Variants in TMEM135 observed in about 807,000 individuals in gnomAD.
The protein encoded by TMEM135 is peroxisomal membrane protein 52.
In TMEM135, 30 loss-of-function variants were observed where a neutral mutation model predicts 60.3. That is an observed-to-expected ratio of 0.50 (90% confidence interval 0.37 to 0.68). The LOEUF (loss-of-function observed/expected upper bound fraction) is 0.68, where lower values mean the gene tolerates loss of function less well. Ranked by LOEUF, TMEM135 falls within the 30% of genes least tolerant of loss-of-function variation. The probability of loss-of-function intolerance (pLI) is 0.00; values close to 1 mark genes in which losing one functional copy is unlikely to be tolerated. For missense variants in TMEM135, 468 were observed against 548.8 expected (o/e 0.85, Z 1.47); for synonymous variants, 190 against 186.7 (o/e 1.02, Z -0.14).
In TMEM135 at chr11:87,070,816, A is replaced by T. The variant is rs564550813; in HGVS notation, c.270-707A>T. On this transcript the variant is annotated intron_variant, in intron 2 of 14. Transcript: ENST00000305494. The stretch of plus-strand genomic sequence containing the variant: ...TATAAAATACTTTAGTAAATGCTGT[A>T]AGAAAAAGTTATCAAGGGTTGTGGA... 7.9e-5 allele frequency among the ~76,000 whole-genome samples: 12 copies of T among 152,356 alleles called. No homozygotes were observed. The East Asian group carries it at 2.1e-3, about 27-fold the overall frequency.
intron 6 of TMEM135, among the ~76,000 whole-genome samples, chr11:87,245,608 G>A (rs1162246420): frequency 1.4e-5 from 2 of 138,864 alleles, no homozygotes; most frequent in East Asian, 4.1e-4. Flanking sequence ...TTACGTAATG[G>A]CCTTCTTTGT....
intron 4 of TMEM135, among the ~76,000 whole-genome samples, chr11:87,097,074 GC>G (rs1183548977): frequency 1.3e-5 from 2 of 151,102 alleles, no homozygotes; most frequent in Non-Finnish European, 2.9e-5. Flanking sequence ...TTGGCTCACT[GC>G]AACCTCTGCC....
chr11:87,314,004 C>T (rs779538031), intron 11 of TMEM135, among the ~76,000 whole-genome samples: 17 of 151,606 alleles, frequency 1.1e-4, no homozygotes, highest in African/African-American at 1.7e-4. Context: ...TCGACACCTC[C>T]CCTCCTCCCC....
intron 1 of TMEM135, among the ~76,000 whole-genome samples, chr11:87,044,403 T>C (rs1407194157): frequency 1.3e-5 from 2 of 152,030 alleles, no homozygotes; most frequent in Non-Finnish European, 1.5e-5. Flanking sequence ...TGTTTTTGTT[T>C]TTGGCTTAAA....
intron 3 of TMEM135, among the ~76,000 whole-genome samples, chr11:87,091,054 A>G (rs1485455068): frequency 6.6e-6 from 1 of 152,056 alleles, no homozygotes; most frequent in Non-Finnish European, 1.5e-5. Context: ...AACATAGACT[A>G]GTAGGAAATT....
At chr11:87,146,197 T>C (rs1055046194) in intron 4 of TMEM135, among the ~76,000 whole-genome samples, 1 of 152,188 alleles carries the variant, frequency 6.6e-6, no homozygotes, top group Non-Finnish European at 1.5e-5. Context: ...CCTTTTCCCA[T>C]TGTGTATTTG....
intron 6 of TMEM135, among the ~76,000 whole-genome samples, chr11:87,271,455 T>C (rs1453527678): frequency 6.6e-6 from 1 of 152,200 alleles, no homozygotes; most frequent in Non-Finnish European, 1.5e-5. Flanking sequence ...TGGTAGCCAC[T>C]AGCACATACG....
At chr11:87,272,509 G>C (rs553235294) in intron 6 of TMEM135, among the ~76,000 whole-genome samples, 49 of 152,150 alleles carry the variant, frequency 3.2e-4, no homozygotes, top group African/African-American at 1.1e-3. Flanking sequence ...CACCCAGGCT[G>C]AAGTATAGTG....
chr11:87,246,546 C>A (rs1039284280), intron 6 of TMEM135, among the ~76,000 whole-genome samples: 1 of 152,082 alleles, frequency 6.6e-6, no homozygotes, highest in African/African-American at 2.4e-5. Context: ...AGGCTTTGTT[C>A]GTTTCTTTGT....
rs1199993334 is a variant in TMEM135 at position 87,268,164 on chromosome 11, C to CTTTTCTTTTCTTTTCT, written c.510-27615_510-27614insTCTTTTCTTTTCTTTT. Among the ~76,000 whole-genome samples the CTTTTCTTTTCTTTTCT allele has an allele frequency of 1.6e-3, 172 of 110,472 alleles. 21 individuals carry two copies. The highest frequency in any genetic ancestry group is 4.9e-3 in the Middle Eastern group (1 of 206). 72.5% of individuals were successfully genotyped at this position (110,472 alleles called of 152,430 possible). A position where few individuals can be genotyped will look rare whatever the true frequency, so the allele number is the denominator to read the frequency against. On this transcript the variant is annotated intron_variant, in intron 6 of 14. Coordinates refer to ENST00000305494, the MANE Select transcript of TMEM135 (RefSeq NM_022918.4). Reference sequence around the variant, plus strand: ...CCTCTCCTTTCCTTTATTTCCTTTCCTTTCCTTTCTTTTCTTTTCTTTCTT... The same window carrying CTTTTCTTTTCTTTTCT: ...CCTCTCCTTTCCTTTATTTCCTTTCCTTTTCTTTTCTTTTCTTTTCCTTTCTTTTCTTTTCTTTCTT...
rs143333814 is a variant in TMEM135, at chr11:87,190,885, G to A, written c.462+33479G>A. Among the ~76,000 whole-genome samples the A allele has an allele frequency of 6.0e-3, 917 of 152,074 alleles. 6 individuals carry two copies. The highest frequency in any genetic ancestry group is 9.7e-3 in the Admixed American group (149 of 15,290). On this transcript the variant is annotated intron_variant, in intron 5 of 14. Coordinates refer to ENST00000305494, the MANE Select transcript of TMEM135 (RefSeq NM_022918.4). Reference sequence around the variant, plus strand: ...TACTATTTTAAAATTTTCTTTGCTGGTTACCAGTTTTTGGATAATATGTAT... The same window carrying A: ...TACTATTTTAAAATTTTCTTTGCTGATTACCAGTTTTTGGATAATATGTAT...
At chr11:87,165,271 G>T (rs1168828139) in intron 5 of TMEM135, among the ~76,000 whole-genome samples, 1 of 114,714 alleles carries the variant, frequency 8.7e-6, no homozygotes, top group African/African-American at 3.4e-5. Context: ...TTTTGTCAAA[G>T]GCTTTTTCTG....
intron 5 of TMEM135, among the ~76,000 whole-genome samples, chr11:87,183,953 CGCA>C (rs1565477729): frequency 3.1e-4 from 12 of 38,306 alleles, no homozygotes; most frequent in African/African-American, 1.2e-3. Context: ...CAGACTTCGT[CGCA>C]AAAAAAAAAA....
chr11:87,144,408 G>A (rs1938349189), intron 4 of TMEM135, among the ~76,000 whole-genome samples: 1 of 152,160 alleles, frequency 6.6e-6, no homozygotes, highest in South Asian at 2.1e-4. Context: ...TTTGAAAGCA[G>A]CCATAGACAA....
At chr11:87,281,657 C>A (rs1942062417) in intron 6 of TMEM135, among the ~76,000 whole-genome samples, 2 of 152,132 alleles carry the variant, frequency 1.3e-5, no homozygotes, top group African/African-American at 4.8e-5. Flanking sequence ...CTTTGCTGCC[C>A]CTCCCTGGAG....
intron 5 of TMEM135, among the ~76,000 whole-genome samples, chr11:87,167,219 G>A (rs1241779273): frequency 6.6e-6 from 1 of 152,142 alleles, no homozygotes; most frequent in Non-Finnish European, 1.5e-5. Flanking sequence ...AGACGATGGG[G>A]TTTTCTAAAT....
rs557396226 is a variant in TMEM135 at position 87,074,068 on chromosome 11, C to T, written c.362+2453C>T. ...GCAACCTCTGCCTCCTGGGTTCAAA[C>T]GGTTTTCCTGTCTCAGCCTCCCAAG... On this transcript the variant is annotated intron_variant, in intron 3 of 14. Coordinates refer to ENST00000305494, the MANE Select transcript of TMEM135 (RefSeq NM_022918.4). 1.1e-3 allele frequency among the ~76,000 whole-genome samples: 162 copies of T among 152,172 alleles called. 2 individuals carry two copies. The highest frequency in any genetic ancestry group is 3.3e-3 in the African/African-American group (139 of 41,530).
intron 5 of TMEM135, among the ~76,000 whole-genome samples, chr11:87,217,784 C>CAA (rs143712597): frequency 1.5e-5 from 2 of 135,948 alleles, no homozygotes; most frequent in South Asian, 4.6e-4. Flanking sequence ...AACTCTGTCT[C>CAA]AAAAAAAAAA....
At position 87,306,470 on chromosome 11, in the gene TMEM135, CT is replaced by C. The variant is rs144940378; in HGVS notation, c.768+475del. Among the ~76,000 whole-genome samples the C allele has an allele frequency of 1.9e-4, 29 of 149,954 alleles. No individual in the cohort carries two copies. The South Asian group carries it at 2.8e-3, about 14-fold the overall frequency. On this transcript the variant is annotated intron_variant, in intron 9 of 14. Coordinates refer to ENST00000305494, the MANE Select transcript of TMEM135 (RefSeq NM_022918.4). ...TAATTTTGGACTTGTAAAACTATTA[CT>C]TTTTTTTTTAAGCCATTGAGATAAC...
Sources: gnomAD v4.1 joint callset for allele counts (sites outside exome capture counted in the v4.1 genomes callset) on GRCh38, gnomAD v4.1.1 for gene constraint, MANE v1.5 for transcripts, NCBI Gene and HGNC (gene_info 2026-07-23, HGNC 2026-07-21) for gene names.